Variants in IL6ST observed in about 807,000 individuals in gnomAD.
IL6ST encodes the protein interleukin 6 cytokine family signal transducer, also known as interleukin-6 receptor subunit beta.
Under a neutral mutation model 91.3 loss-of-function variants are expected in IL6ST, and 24 were observed. The ratio of observed to expected loss-of-function variants is 0.26; its 90% CI spans 0.19 to 0.37. The LOEUF is 0.37. IL6ST is among the 10% of genes least tolerant of loss of function. IL6ST has a pLI of 1.00. For synonymous variants in IL6ST, 351 were observed against 373.6 expected (o/e 0.94, Z 0.70); for missense variants, 914 against 1,078.5 (o/e 0.85, Z 2.14).
chr5:55,935,448 G>A lies in IL6ST; in HGVS notation c.*5634C>T, dbSNP rs921857368. On this transcript the variant is annotated 3_prime_UTR_variant, in exon 17 of 17. Transcript: ENST00000381298. The stretch of plus-strand genomic sequence containing the variant: ...ACAAATATTGAATTTTGAGTTGAAA[G>A]GTACATTTTCCTCCCTTGATGGAGA... 1 of 206,618 alleles carries A rather than the reference G, an allele frequency of 4.8e-6. No homozygotes were observed. The highest frequency in any genetic ancestry group is 7.2e-5 in the East Asian group (1 of 13,864). 12.8% of individuals were successfully genotyped at this position (206,618 alleles called of 1,614,324 possible).
Position 55,937,373 on chromosome 5 carries a change from A to C in IL6ST, c.*3709T>G, listed in dbSNP as rs1362486944. On this transcript the variant is annotated 3_prime_UTR_variant, in exon 17 of 17. Transcript: ENST00000381298. Reference sequence around the variant, plus strand: ...AATTTTTAATGCAATGTATATGAGAATATCATGCTAATGCACATACTAGTA... The same window carrying C: ...AATTTTTAATGCAATGTATATGAGACTATCATGCTAATGCACATACTAGTA... 1.9e-5 allele frequency: 4 copies of C among 212,532 alleles called. No individual in the cohort carries two copies. Among genetic ancestry groups the C allele is most frequent in the African/African-American group, 6.8e-5 (3 of 44,216 alleles). The allele number at this position is 212,532 out of a possible 1,614,324, so 13.2% of individuals were successfully genotyped here.
chr5:55,960,318 C>T, intron 8 of IL6ST, 84 bp downstream of exon 8: 1 of 1,005,406 alleles, frequency 9.9e-7, no homozygotes, highest in Non-Finnish European at 1.5e-6. Flanking sequence ...AACTAAGAAG[C>T]AATGAGGCTA....
At chr5:55,971,963 C>T (rs963058901) in intron 3 of IL6ST, among the ~76,000 whole-genome samples, 9 of 152,128 alleles carry the variant, frequency 5.9e-5, no homozygotes, top group African/African-American at 2.2e-4. Context: ...AATCTTAGTG[C>T]ATATATTACT....
intron 13 of IL6ST, 36 bp downstream of exon 13, chr5:55,951,893 A>G (rs2111677084): frequency 7.8e-7 from 1 of 1,279,278 alleles, no homozygotes; most frequent in African/African-American, 1.5e-5. Flanking sequence ...TAAGGAAAAA[A>G]TAACTGATTC....
rs1750649041 is a variant in IL6ST, at chr5:55,938,085, G to A, written c.*2997C>T. 1 of 189,486 alleles carries A rather than the reference G, an allele frequency of 5.3e-6. No individual in the cohort carries two copies. Among genetic ancestry groups the A allele is most frequent in the Non-Finnish European group, 1.1e-5 (1 of 90,158 alleles). The allele number at this position is 189,486 out of a possible 1,614,324, so 11.7% of individuals were successfully genotyped here. On this transcript the variant is annotated 3_prime_UTR_variant, in exon 17 of 17. Coordinates refer to ENST00000381298, the MANE Select transcript of IL6ST (RefSeq NM_002184.4). ...AAACTAGATGCTCTACTTTAAATAT[G>A]AGCTTTAATGAATGTTTTGTAACAT...
intron 16 of IL6ST, 75 bp from the exon 17 acceptor site, chr5:55,941,894 A>G: frequency 8.2e-7 from 1 of 1,214,186 alleles, no homozygotes; most frequent in South Asian, 1.5e-5. Flanking sequence ...GAAACTTCCC[A>G]GTAACTCTCA....
chr5:55,938,089 T>C lies in IL6ST; in HGVS notation c.*2993A>G, dbSNP rs1402357855. The stretch of plus-strand genomic sequence containing the variant: ...TAGATGCTCTACTTTAAATATGAGC[T>C]TTAATGAATGTTTTGTAACATTTTA... On this transcript the variant is annotated 3_prime_UTR_variant, in exon 17 of 17. Coordinates refer to ENST00000381298, the MANE Select transcript of IL6ST (RefSeq NM_002184.4). 1.6e-5 allele frequency: 3 copies of C among 189,960 alleles called. No individual in the cohort carries two copies. The highest frequency in any genetic ancestry group is 3.3e-5 in the Non-Finnish European group (3 of 90,394). 11.8% of individuals were successfully genotyped at this position (189,960 alleles called of 1,614,324 possible). A position where few individuals can be genotyped will look rare whatever the true frequency, so the allele number is the denominator to read the frequency against.
Position 55,960,011 on chromosome 5 carries a change from G to T in IL6ST, c.973+391C>A, listed in dbSNP as rs372556800. On this transcript the variant is annotated intron_variant, in intron 8 of 16. Coordinates refer to ENST00000381298, the MANE Select transcript of IL6ST (RefSeq NM_002184.4). ...AGCGATTCTCCTGCCTCAGCCTCCC[G>T]AGTAGCTGGGACTACAGGCGCCCAC... Among the ~76,000 whole-genome samples the T allele has an allele frequency of 2.0e-5, 3 of 151,622 alleles. No individual in the cohort carries two copies. In the South Asian group the frequency reaches 6.3e-4, roughly 32 times the overall value.
chr5:55,970,312 C>G (rs1752889491), intron 3 of IL6ST, among the ~76,000 whole-genome samples: 1 of 152,144 alleles, frequency 6.6e-6, no homozygotes, highest in South Asian at 2.1e-4. Flanking sequence ...CATCAAAACT[C>G]AGACAACAAA....
intron 2 of IL6ST, among the ~76,000 whole-genome samples, chr5:55,976,995 A>G (rs538389779): frequency 1.8e-4 from 27 of 152,328 alleles, no homozygotes; most frequent in African/African-American, 6.5e-4. Context: ...TATGCCCACA[A>G]TAAGACTTAT....
Position 55,936,437 on chromosome 5 carries a change from G to C in IL6ST, c.*4645C>G. On this transcript the variant is annotated 3_prime_UTR_variant, in exon 17 of 17. Coordinates refer to ENST00000381298, the MANE Select transcript of IL6ST (RefSeq NM_002184.4). ...AAATAGTAAATCTGGAAAACTAGTG[G>C]ATAAATTTGCCATCTCCATTCTATG... 4.6e-6 allele frequency: 1 copy of C among 215,616 alleles called. No individual in the cohort carries two copies. Among genetic ancestry groups the C allele is most frequent in the Admixed American group, 5.9e-5 (1 of 17,024 alleles). 13.4% of individuals were successfully genotyped at this position (215,616 alleles called of 1,614,324 possible).
chr5:55,983,994 T>C (rs984515314), intron 1 of IL6ST, among the ~76,000 whole-genome samples: 1 of 150,638 alleles, frequency 6.6e-6, no homozygotes, highest in African/African-American at 2.5e-5. Flanking sequence ...GTGTTTCTTA[T>C]ACCCCTTTAC....
In IL6ST at chr5:55,952,058, T is replaced by C. The variant is rs1321869290; in HGVS notation, c.1570A>G (p.Thr524Ala). 6.2e-7 allele frequency: 1 copy of C among 1,613,466 alleles called. No individual in the cohort carries two copies. Among genetic ancestry groups the C allele is most frequent in the Admixed American group, 1.7e-5 (1 of 59,902 alleles). The change falls in exon 13 of 17, where the codon ACT (threonine) becomes GCT (alanine). Residue 524 changes from threonine (T) to alanine (A), a missense_variant. Thr to Ala is a moderately conservative substitution (Grantham distance 58, BLOSUM62 0). Transcript: ENST00000381298. ...TTCCCTACTTTTTTTGTCCGAACAG[T>C]AGGTCCTTTGGAAGGTGCTGTAACA... is the stretch of plus-strand genomic sequence containing the variant. ...LKQAPPSKGP[T>A]VRTKKVGKNE...
At chr5:55,991,145 G>A (rs1461540768) in intron 1 of IL6ST, among the ~76,000 whole-genome samples, 1 of 152,138 alleles carries the variant, frequency 6.6e-6, no homozygotes, top group Non-Finnish European at 1.5e-5. Flanking sequence ...ATCATTGATG[G>A]ACATTTGAAT....
chr5:55,948,641 T>C (rs1751428960), intron 14 of IL6ST, among the ~76,000 whole-genome samples: 1 of 152,140 alleles, frequency 6.6e-6, no homozygotes, highest in Non-Finnish European at 1.5e-5. Context: ...TGTATATATA[T>C]ATAAAATGCC....
At position 55,951,470 on chromosome 5, in the gene IL6ST, T is replaced by C. The variant is rs147049759; in HGVS notation, c.1834A>G (p.Lys612Glu). 31 of 1,609,324 alleles carry C rather than the reference T, an allele frequency of 1.9e-5. No individual in the cohort carries two copies. The highest frequency in any genetic ancestry group is 2.5e-5 in the Non-Finnish European group (29 of 1,178,330). Residue 612 changes from lysine to glutamate, a missense_variant, in exon 14 of 17, where the codon AAG becomes GAG. Transcript: ENST00000381298. Reference sequence around the variant, plus strand: ...AAACTTCATTATTTCTTACCAAACTTTGGGGTAGTAAAAGTGAATTCTGGA... The same window carrying C: ...AAACTTCATTATTTCTTACCAAACTCTGGGGTAGTAAAAGTGAATTCTGGA... ...DGPEFTFTTP[K>E]FAQGEIEAIV...
chr5:55,940,899 A>G lies in IL6ST; in HGVS notation c.*183T>C. 1 of 600,038 alleles carries G rather than the reference A, an allele frequency of 1.7e-6. No individual in the cohort carries two copies. The highest frequency in any genetic ancestry group is 2.9e-6 in the Non-Finnish European group (1 of 341,552). The allele number at this position is 600,038 out of a possible 1,614,324, so 37.2% of individuals were successfully genotyped here. On this transcript the variant is annotated 3_prime_UTR_variant, in exon 17 of 17. Coordinates refer to ENST00000381298, the MANE Select transcript of IL6ST (RefSeq NM_002184.4). ...TAAAGTCAGTTTATGTAGTGCTTAA[A>G]GTAGAATCCCAGATATTCTGGAATG...
intron 15 of IL6ST, among the ~76,000 whole-genome samples, chr5:55,945,656 T>G (rs1345777604): frequency 8.4e-5 from 10 of 119,316 alleles, no homozygotes; most frequent in Admixed American, 8.3e-4. Flanking sequence ...TGCTTTTTTT[T>G]TTTTTTTTTT....
At chr5:55,942,434 T>A (rs1750977221) in intron 16 of IL6ST, among the ~76,000 whole-genome samples, 1 of 152,170 alleles carries the variant, frequency 6.6e-6, no homozygotes, top group African/African-American at 2.4e-5. Flanking sequence ...ATTTAAAATA[T>A]CAGAACAAAT....
Sources: allele counts gnomAD v4.1 joint callset (sites outside exome capture counted in the v4.1 genomes callset), GRCh38; gene constraint gnomAD v4.1.1; transcripts MANE v1.5; gene names NCBI Gene and HGNC (gene_info 2026-07-23, HGNC 2026-07-21).